The following NKTR variants were observed in gnomAD, a reference collection of about 807,000 sequenced individuals.
NKTR encodes the protein natural killer cell triggering receptor, also known as NK-tumor recognition protein.
Under a neutral mutation model 156.3 loss-of-function variants are expected in NKTR, and 67 were observed. That is an observed-to-expected ratio of 0.43 (90% CI 0.35 to 0.53). The LOEUF is 0.53. Among genes scored for constraint, NKTR ranks in the 20% least tolerant of loss-of-function variants. The pLI is 0.01. For missense variants in NKTR, 1,604 were observed against 1,730.9 expected, an observed-to-expected ratio of 0.93 and a Z score of 1.30; for synonymous variants, 640 against 596.6, an observed-to-expected ratio of 1.07 and a Z score of -1.06.
intron 6 of NKTR, among the ~76,000 whole-genome samples, chr3:42,623,589 GATAAA>G (rs1242529656): frequency 5.3e-5 from 8 of 152,000 alleles, no homozygotes; most frequent in Non-Finnish European, 1.2e-4. Flanking sequence ...GATGGTGGCT[GATAAA>G]ATAAAAATCT....
intron 7 of NKTR, 23 bp downstream of exon 7, chr3:42,630,598 A>C (rs1306172062): frequency 6.2e-7 from 1 of 1,613,576 alleles, no homozygotes; most frequent in East Asian, 2.2e-5. Context: ...TTCTTACTAC[A>C]TTGGGGAAGT....
intron 9 of NKTR, chr3:42,633,305 G>T (rs1709082010): frequency 4.5e-6 from 5 of 1,100,784 alleles, no homozygotes; most frequent in Non-Finnish European, 5.7e-6. Flanking sequence ...GACCCCTAAA[G>T]TACTGGGATT....
Position 42,639,398 on chromosome 3 carries a change from G to T in NKTR, c.3694G>T (p.Val1232Leu). 6.2e-7 allele frequency: 1 copy of T among 1,613,980 alleles called. No individual in the cohort carries two copies. Among genetic ancestry groups the T allele is most frequent in the African/African-American group, 1.3e-5 (1 of 75,042 alleles). ...IDKKWKPLQG[V>L]GNLAAPNAAT... Reference sequence around the variant, plus strand: ...TAAGAAATGGAAGCCCCTGCAAGGTGTGGGGAACCTGGCAGCACCTAATGC... The same window carrying T: ...TAAGAAATGGAAGCCCCTGCAAGGTTTGGGGAACCTGGCAGCACCTAATGC... The change falls in exon 13 of 17, where the codon GTG becomes TTG. Residue 1232 changes from valine to leucine, a missense_variant. Val to Leu is a conservative substitution (Grantham distance 32). Coordinates refer to ENST00000232978, the MANE Select transcript of NKTR (RefSeq NM_005385.4).
chr3:42,636,827 T>C, intron 12 of NKTR, 41 bp from the exon 13 acceptor site: 1 of 1,517,832 alleles, frequency 6.6e-7, no homozygotes. Flanking sequence ...GTAGAAAACA[T>C]GCTTATAAAT....
At position 42,646,271 on chromosome 3, in the gene NKTR, C is replaced by T. The variant is rs1484959918; in HGVS notation, c.*296C>T. On this transcript the variant is annotated 3_prime_UTR_variant, in exon 17 of 17. Transcript: ENST00000232978. ...TATAATTTGCAATATTATTTTAAGTCTATTTCACTCTATCTTACGTATCCC... is the reference window on the plus strand; with the variant it reads ...TATAATTTGCAATATTATTTTAAGTTTATTTCACTCTATCTTACGTATCCC... The T allele has an allele frequency of 3.5e-6, 1 of 285,446 alleles. No homozygotes were observed. The highest frequency in any genetic ancestry group is 2.2e-5 in the African/African-American group (1 of 45,932). 17.7% of individuals were successfully genotyped at this position (285,446 alleles called of 1,614,324 possible). A position where few individuals can be genotyped will look rare whatever the true frequency, so the allele number is the denominator to read the frequency against.
At position 42,635,465 on chromosome 3, in the gene NKTR, A is replaced by T. The variant is rs139160992; in HGVS notation, c.1163+99A>T. On this transcript the variant is annotated intron_variant, in intron 12 of 16. Coordinates refer to ENST00000232978, the MANE Select transcript of NKTR (RefSeq NM_005385.4). The stretch of plus-strand genomic sequence containing the variant: ...GGACTTTTCATTAAAGATTCAGTGA[A>T]AGATTCACAGTCAGACTGTGACCAA... 4.2e-6 allele frequency: 4 copies of T among 942,802 alleles called. No individual in the cohort carries two copies. In the African/African-American group the frequency reaches 5.1e-5, roughly 12 times the overall value. The allele number at this position is 942,802 out of a possible 1,614,324, so 58.4% of individuals were successfully genotyped here.
intron 1 of NKTR, 94 bp from the exon 2 acceptor site, chr3:42,600,890 C>T: frequency 1.3e-6 from 1 of 743,312 alleles, no homozygotes; most frequent in Non-Finnish European, 2.0e-6. Context: ...CGTGAGGCAC[C>T]GTGGCGCGGA....
intron 6 of NKTR, chr3:42,627,570 T>C: frequency 1.0e-6 from 1 of 985,110 alleles, no homozygotes; most frequent in South Asian, 4.7e-5. Flanking sequence ...AGATTGTTTT[T>C]GGAGTAGCAG....
At chr3:42,642,287 T>A (rs1184339364) in intron 13 of NKTR, among the ~76,000 whole-genome samples, 2 of 152,148 alleles carry the variant, frequency 1.3e-5, no homozygotes, top group Non-Finnish European at 2.9e-5. Flanking sequence ...CTTGTGCCAA[T>A]CTTTTCTTGT....
chr3:42,630,337 A>G lies in NKTR; in HGVS notation c.375-209A>G, dbSNP rs184311160. 6,953 of 1,390,316 alleles carry G rather than the reference A, an allele frequency of 5.0e-3. 23 individuals are homozygous for G. The highest frequency in any genetic ancestry group is 5.9e-3 in the Non-Finnish European group (6,358 of 1,076,426). 86.1% of individuals were successfully genotyped at this position (1,390,316 alleles called of 1,614,324 possible). A position where few individuals can be genotyped will look rare whatever the true frequency, so the allele number is the denominator to read the frequency against. On this transcript the variant is annotated intron_variant, in intron 6 of 16. Coordinates refer to ENST00000232978, the MANE Select transcript of NKTR (RefSeq NM_005385.4). ...AGTCTAATAGAGATGATTGTAATTC[A>G]TTATAATCTTGAGTTTTTTAAATTA...
chr3:42,635,997 G>A (rs1037451493), intron 12 of NKTR, among the ~76,000 whole-genome samples: 3 of 152,196 alleles, frequency 2.0e-5, no homozygotes, highest in Admixed American at 1.3e-4. Flanking sequence ...TTGGTAAATA[G>A]GAAAACCTGC....
rs1465669738 is a variant in NKTR at position 42,644,008 on chromosome 3, GTC to G, written c.4301+12_4301+13del. The stretch of plus-strand genomic sequence containing the variant: ...AAGTTATAATCGGCGGTCCAGGTGG[GTC>G]TCTCTCCTTTATCGTCCTTTATCGC... On this transcript the variant is annotated splice_donor_region_variant and intron_variant, in intron 16 of 16. Coordinates refer to ENST00000232978, the MANE Select transcript of NKTR (RefSeq NM_005385.4). The G allele has an allele frequency of 3.7e-6, 6 of 1,608,862 alleles. No homozygotes were observed. Among genetic ancestry groups the G allele is most frequent in the Admixed American group, 1.7e-5 (1 of 59,750 alleles).
At chr3:42,608,483 C>A (rs1706456074) in intron 2 of NKTR, among the ~76,000 whole-genome samples, 1 of 152,178 alleles carries the variant, frequency 6.6e-6, no homozygotes, top group Non-Finnish European at 1.5e-5. Context: ...TGGGGAGATG[C>A]ATGGGCCTTC....
At chr3:42,606,413 A>G (rs987957974) in intron 2 of NKTR, among the ~76,000 whole-genome samples, 1 of 152,056 alleles carries the variant, frequency 6.6e-6, no homozygotes, top group Non-Finnish European at 1.5e-5. Context: ...TAAGTATTGC[A>G]TGTGCAGGAG....
intron 11 of NKTR, 100 bp from the exon 12 acceptor site, chr3:42,635,121 G>T: frequency 1.4e-6 from 1 of 717,204 alleles, no homozygotes; most frequent in Non-Finnish European, 2.2e-6. Flanking sequence ...CATTACCTTT[G>T]ATGGGATGAT....
rs759174395 is a variant in NKTR, at chr3:42,632,747, A to G, written c.697A>G (p.Lys233Glu). The G allele has an allele frequency of 5.0e-6, 8 of 1,612,740 alleles. No homozygotes were observed. The highest frequency in any genetic ancestry group is 1.7e-5 in the Admixed American group (1 of 59,750). ...RRKHKRRPKV[K>E]RSKKRRKEAS... ...GAAACATAAGAGGAGGCCAAAAGTT[A>G]AACGTTCTAAAAAGAGGCGAAAGGA... Residue 233 changes from lysine to glutamate, a missense_variant, in exon 9 of 17, where the codon AAA (lysine) becomes GAA (glutamate). Coordinates refer to ENST00000232978, the MANE Select transcript of NKTR (RefSeq NM_005385.4).
chr3:42,639,987 G>C (rs1339721469), intron 13 of NKTR, among the ~76,000 whole-genome samples: 3 of 152,200 alleles, frequency 2.0e-5, no homozygotes, highest in Non-Finnish European at 4.4e-5. Context: ...TCTGTCACTA[G>C]AAATGAGTTC....
At chr3:42,618,034 A>G (rs1030274725) in intron 3 of NKTR, among the ~76,000 whole-genome samples, 5 of 152,128 alleles carry the variant, frequency 3.3e-5, no homozygotes, top group Non-Finnish European at 7.4e-5. Context: ...GGGGAGGGAA[A>G]CATCTATAAT....
chr3:42,610,053 G>A (rs1706621002), intron 2 of NKTR, among the ~76,000 whole-genome samples: 1 of 151,954 alleles, frequency 6.6e-6, no homozygotes, highest in East Asian at 1.9e-4. Flanking sequence ...GCCCAGGCTG[G>A]AGTGCAAAAT....
Sources: allele counts gnomAD v4.1 joint callset (sites outside exome capture counted in the v4.1 genomes callset), GRCh38; gene constraint gnomAD v4.1.1; transcripts MANE v1.5; gene names NCBI Gene and HGNC (gene_info 2026-07-23, HGNC 2026-07-21).